TTBK2: variants seen among roughly 807,000 people sequenced by gnomAD.
TTBK2 encodes the protein tau tubulin kinase 2, also known as tau-tubulin kinase 2.
A neutral mutation model predicts 110.8 loss-of-function variants in TTBK2; 28 were observed. The observed-to-expected ratio is 0.25, with a 90% CI of 0.19 to 0.35. TTBK2 has a LOEUF of 0.35. Among genes scored for constraint, TTBK2 ranks in the 10% least tolerant of loss-of-function variants. The pLI is 1.00. For synonymous variants in TTBK2, 532 were observed against 527.3 expected, an observed-to-expected ratio of 1.01 and a Z score of -0.12; for missense variants, 1,369 against 1,500.3, an observed-to-expected ratio of 0.91 and a Z score of 1.45.
chr15:42,755,980 G>C (rs966453979), intron 13 of TTBK2, among the ~76,000 whole-genome samples: 25 of 152,172 alleles, frequency 1.6e-4, no homozygotes, highest in African/African-American at 6.0e-4. Context: ...CTGATCTCCT[G>C]AGGTCAGGAG....
intron 12 of TTBK2, among the ~76,000 whole-genome samples, chr15:42,776,476 C>T (rs1459846350): frequency 6.6e-6 from 1 of 152,224 alleles, no homozygotes; most frequent in Non-Finnish European, 1.5e-5. Flanking sequence ...ATAGATCTCT[C>T]AAGTTTCACC....
At chr15:42,788,615 T>C (rs1890511026) in intron 10 of TTBK2, among the ~76,000 whole-genome samples, 1 of 152,224 alleles carries the variant, frequency 6.6e-6, no homozygotes, top group African/African-American at 2.4e-5. Flanking sequence ...ACTTGTGAAT[T>C]GTGGCATTTG....
chr15:42,871,051 G>A (rs1443224439), intron 3 of TTBK2, among the ~76,000 whole-genome samples: 2 of 152,024 alleles, frequency 1.3e-5, no homozygotes, highest in African/African-American at 4.8e-5. Flanking sequence ...AATGTTATCA[G>A]AACGGTCCAG....
intron 14 of TTBK2, among the ~76,000 whole-genome samples, chr15:42,751,265 G>A (rs1595875785): frequency 6.6e-6 from 1 of 152,244 alleles, no homozygotes; most frequent in Non-Finnish European, 1.5e-5. Flanking sequence ...GTATAAAGAT[G>A]TAATTTTGTA....
At chr15:42,751,854 G>A (rs1040387571) in intron 14 of TTBK2, 120 bp downstream of exon 14, 8 of 1,267,594 alleles carry the variant, frequency 6.3e-6, no homozygotes, top group East Asian at 4.7e-5. Flanking sequence ...GCCTGGGAAA[G>A]GCAGGAAAGA....
chr15:42,805,594 G>A (rs1443091605), intron 9 of TTBK2, among the ~76,000 whole-genome samples: 1 of 152,228 alleles, frequency 6.6e-6, no homozygotes, highest in African/African-American at 2.4e-5. Context: ...TAATGGGGCA[G>A]AGGCAACAAT....
chr15:42,864,633 T>C (rs1475274567), intron 3 of TTBK2, among the ~76,000 whole-genome samples: 2 of 151,946 alleles, frequency 1.3e-5, no homozygotes, highest in African/African-American at 4.8e-5. Context: ...CCAACATAGA[T>C]TCTGTACCCC....
intron 4 of TTBK2, among the ~76,000 whole-genome samples, chr15:42,831,819 C>G (rs1015355276): frequency 6.6e-5 from 10 of 152,156 alleles, no homozygotes; most frequent in African/African-American, 2.2e-4. Context: ...GCTCTCCTAT[C>G]GCAAGGGGAT....
chr15:42,859,481 C>G (rs1894072558), intron 3 of TTBK2, among the ~76,000 whole-genome samples: 2 of 152,118 alleles, frequency 1.3e-5, no homozygotes, highest in Admixed American at 1.3e-4. Flanking sequence ...TCTAACTATC[C>G]TGTCTCACCT....
chr15:42,904,874 ATTT>A (rs769350686), intron 1 of TTBK2, among the ~76,000 whole-genome samples: 2 of 145,404 alleles, frequency 1.4e-5, no homozygotes, highest in East Asian at 2.0e-4. Flanking sequence ...ACTGTATATA[ATTT>A]TTTTTTTTTT....
chr15:42,779,188 G>C (rs912357915), intron 11 of TTBK2, among the ~76,000 whole-genome samples: 1 of 152,186 alleles, frequency 6.6e-6, no homozygotes, highest in African/African-American at 2.4e-5. Flanking sequence ...TGAATCACTT[G>C]AGGCCAGGAG....
In TTBK2 at chr15:42,817,053, T is replaced by C. The variant is rs1892066667; in HGVS notation, c.582A>G (p.Ser194=). 9.3e-6 allele frequency: 15 copies of C among 1,607,206 alleles called. 1 individual carries two copies. The South Asian group carries it at 1.4e-4, about 15-fold the overall frequency. The change falls in exon 7 of 15, where the codon TCA becomes TCG. Residue 194 remains serine (S), a synonymous_variant. Transcript: ENST00000267890. ...CTACCCTGTTCCGATGTGCGTTGAT[T>C]GATGCATAACGAACTGTCCCTCGAA... ...AGFRGTVRYA[S]INAHRNREMG...
At chr15:42,783,744 T>TAAAAAAAAAAAAAAAAAAAAAATAA (rs34530003) in intron 10 of TTBK2, 109 bp from the exon 11 acceptor site, 1 of 651,094 alleles carries the variant, frequency 1.5e-6, no homozygotes, top group Non-Finnish European at 2.5e-6. Context: ...TTAAGAGAGT[T>TAAAAAAAAAAAAAAAAAAAAAATAA]AAAAAAAAAA....
chr15:42,864,059 C>T (rs529313319), intron 3 of TTBK2, among the ~76,000 whole-genome samples: 1 of 152,230 alleles, frequency 6.6e-6, no homozygotes, highest in South Asian at 2.1e-4. Context: ...AGTAACGCAA[C>T]GATAACAAAA....
intron 3 of TTBK2, among the ~76,000 whole-genome samples, chr15:42,853,260 G>C (rs572203622): frequency 1.3e-4 from 19 of 150,858 alleles, no homozygotes; most frequent in Admixed American, 1.1e-3. Context: ...CAGTATTTCA[G>C]GGTAAAAAAA....
At chr15:42,913,414 C>G (rs868103855) in intron 1 of TTBK2, among the ~76,000 whole-genome samples, 2 of 151,814 alleles carry the variant, frequency 1.3e-5, no homozygotes, top group Non-Finnish European at 2.9e-5. Context: ...CCGAGGCGGG[C>G]GGATCACGGG....
rs143450873 is a variant in TTBK2, at chr15:42,770,857, G to A, written c.1998+4278C>T. On this transcript the variant is annotated intron_variant, in intron 13 of 14. Coordinates refer to ENST00000267890, the MANE Select transcript of TTBK2 (RefSeq NM_173500.4). ...CGTGTGGATCATTCCTGTGTCAGTG[G>A]AGGCTCTGAATAACTCCATGAGCTT... is the stretch of plus-strand genomic sequence containing the variant. Among the ~76,000 whole-genome samples, 524 of 152,148 alleles carry A rather than the reference G, an allele frequency of 3.4e-3. 2 individuals are homozygous for A. Among genetic ancestry groups the A allele is most frequent in the African/African-American group, 0.012 (499 of 41,496 alleles).
chr15:42,791,492 TTTTTTC>T (rs142894587), intron 10 of TTBK2, among the ~76,000 whole-genome samples: 35,607 of 151,922 alleles, frequency 0.23, 5,037 homozygotes, highest in African/African-American at 0.39. Flanking sequence ...TCTCTCAGGG[TTTTTTC>T]TTTGTCCTTA....
chr15:42,914,445 C>A (rs1458187331), intron 1 of TTBK2, among the ~76,000 whole-genome samples: 1 of 152,184 alleles, frequency 6.6e-6, no homozygotes, highest in South Asian at 2.1e-4. Context: ...TTTCTTGTAA[C>A]CATGGCTTGT....
Sources: gnomAD v4.1 joint callset for allele counts (sites outside exome capture counted in the v4.1 genomes callset) on GRCh38, gnomAD v4.1.1 for gene constraint, MANE v1.5 for transcripts, NCBI Gene and HGNC (gene_info 2026-07-23, HGNC 2026-07-21) for gene names.